The following ZBBX variants were observed in gnomAD, a reference collection of about 807,000 sequenced individuals.
The protein encoded by ZBBX is zinc finger B-box domain-containing protein 1.
ZBBX carries 101 observed loss-of-function variants against 108.5 expected under a neutral mutation model. The observed-to-expected ratio is 0.93, with a 90% CI of 0.79 to 1.10. ZBBX has a LOEUF of 1.10. Among genes scored for constraint, ZBBX ranks in the 50% least tolerant of loss-of-function variants. ZBBX has a pLI of 0.00. For missense variants in ZBBX, 1,009 were observed against 941.4 expected, an observed-to-expected ratio of 1.07 and a Z score of -0.94; for synonymous variants, 356 against 323.4, an observed-to-expected ratio of 1.10 and a Z score of -1.08.
chr3:167,228,911 C>T, the ZBBX span, among the ~76,000 whole-genome samples: 1 of 151,712 alleles, frequency 6.6e-6, no homozygotes, highest in Admixed American at 6.6e-5. Context: ...GTGGAACTCT[C>T]GCTTGCTCTT....
At chr3:167,342,798 C>CA (rs374133887) in intron 9 of ZBBX, among the ~76,000 whole-genome samples, 3,842 of 121,662 alleles carry the variant, frequency 0.032, 124 homozygotes, top group African/African-American at 0.086. Flanking sequence ...GTTATTACCA[C>CA]AAAAAAAAAA....
intron 20 of ZBBX, among the ~76,000 whole-genome samples, chr3:167,243,748 CTT>C (rs148483655): frequency 0.025 from 1,756 of 70,890 alleles, 31 homozygotes; most frequent in African/African-American, 0.075. Flanking sequence ...GTGGACTTGA[CTT>C]TTTTTTTTTT....
intron 13 of ZBBX, among the ~76,000 whole-genome samples, 168 bp from the exon 14 acceptor site, chr3:167,317,273 T>C (rs966004633): frequency 7.9e-5 from 12 of 152,076 alleles, no homozygotes; most frequent in African/African-American, 2.2e-4. Flanking sequence ...TTATTAGCAT[T>C]CAATTTTTAA....
chr3:167,195,682 T>C, the ZBBX span, among the ~76,000 whole-genome samples: 1 of 152,196 alleles, frequency 6.6e-6, no homozygotes, highest in Non-Finnish European at 1.5e-5. Context: ...TATAAAATCA[T>C]TGTATATGCT....
chr3:167,276,850 T>C (rs1727683257), intron 20 of ZBBX, among the ~76,000 whole-genome samples: 1 of 151,802 alleles, frequency 6.6e-6, no homozygotes, highest in South Asian at 2.1e-4. Flanking sequence ...GAGAGAAAGG[T>C]CGGGTTACCC....
At chr3:167,365,788 G>A (rs980852315) in intron 6 of ZBBX, 98 bp downstream of exon 6, 46 of 621,750 alleles carry the variant, frequency 7.4e-5, no homozygotes, top group Non-Finnish European at 1.0e-4. Context: ...GTTAAAATAA[G>A]AAGAGTATAT....
Position 167,298,304 on chromosome 3 carries a change from C to T in ZBBX, c.1879+1G>A, listed in dbSNP as rs764098851. The T allele has an allele frequency of 1.9e-6, 3 of 1,583,952 alleles. No individual in the cohort carries two copies. In the South Asian group the frequency reaches 3.6e-5, roughly 19 times the overall value. On this transcript the variant is annotated splice_donor_variant, in intron 18 of 21. Transcript: ENST00000675490. LOFTEE classifies it high-confidence loss of function. The stretch of plus-strand genomic sequence containing the variant: ...TTTAGAAAAATGAGCTAGAAATTTA[C>T]CTGCAAGTGTAATCCTAGTACTGGA...
chr3:167,190,403 C>T, the ZBBX span, among the ~76,000 whole-genome samples: 1 of 122,524 alleles, frequency 8.2e-6, no homozygotes, highest in Non-Finnish European at 1.6e-5. Context: ...TTTTTTGAGA[C>T]GGAGTCTCTC....
Position 167,333,979 on chromosome 3 carries a change from A to AT in ZBBX, c.534dup (p.Ser179IlefsTer19). On this transcript the variant is annotated frameshift_variant, in exon 10 of 22. Coordinates refer to ENST00000675490, the MANE Select transcript of ZBBX (RefSeq NM_001199201.2). LOFTEE classifies it high-confidence loss of function. ...TCCAATACATTGAATAATATTTGAG[A>AT]TTTTGCCTATTAAAAAAGTAACAAT... 1.9e-6 allele frequency: 3 copies of AT among 1,545,746 alleles called. No homozygotes were observed. The highest frequency in any genetic ancestry group is 2.6e-6 in the Non-Finnish European group (3 of 1,149,514).
chr3:167,223,199 C>T, the ZBBX span, among the ~76,000 whole-genome samples: 1 of 151,838 alleles, frequency 6.6e-6, no homozygotes, highest in East Asian at 2.0e-4. Context: ...AGGCCTTCCC[C>T]TCAGAGTCCT....
intron 1 of ZBBX, among the ~76,000 whole-genome samples, chr3:167,395,701 C>A (rs1316600831): frequency 1.3e-5 from 2 of 151,920 alleles, no homozygotes; most frequent in Non-Finnish European, 2.9e-5. Flanking sequence ...TCAAAAGTAC[C>A]ACCAAAAACT....
At chr3:167,249,136 C>T (rs1722123882) in intron 20 of ZBBX, among the ~76,000 whole-genome samples, 2 of 152,192 alleles carry the variant, frequency 1.3e-5, no homozygotes, top group Admixed American at 1.3e-4. Flanking sequence ...TGCCTCTTAG[C>T]CCTCTGCAAA....
chr3:167,302,502 A>G (rs1732883845), intron 17 of ZBBX, among the ~76,000 whole-genome samples: 1 of 151,620 alleles, frequency 6.6e-6, no homozygotes, highest in Non-Finnish European at 1.5e-5. Context: ...CCCCCACCCC[A>G]TGTTTTAAGC....
intron 20 of ZBBX, among the ~76,000 whole-genome samples, chr3:167,269,790 G>T (rs1194110089): frequency 6.6e-6 from 1 of 152,124 alleles, no homozygotes; most frequent in African/African-American, 2.4e-5. Context: ...TCACCCTGTT[G>T]TCCCTAACCC....
intron 13 of ZBBX, 41 bp downstream of exon 13, chr3:167,317,447 G>T: frequency 6.8e-7 from 1 of 1,462,404 alleles, no homozygotes; most frequent in Non-Finnish European, 9.4e-7. Flanking sequence ...TATAACTTGA[G>T]ACAATACATT....
chr3:167,265,801 T>A (rs1576816300), intron 20 of ZBBX, among the ~76,000 whole-genome samples: 1 of 152,176 alleles, frequency 6.6e-6, no homozygotes, highest in Admixed American at 6.5e-5. Context: ...ATGTGGCTGG[T>A]CCAAATGCTT....
chr3:167,210,767 G>A, the ZBBX span, among the ~76,000 whole-genome samples: 1 of 151,938 alleles, frequency 6.6e-6, no homozygotes, highest in African/African-American at 2.4e-5. Flanking sequence ...AGTGCTGAAG[G>A]AAATAAAAAC....
At chr3:167,263,970 A>G (rs1425200057) in intron 20 of ZBBX, among the ~76,000 whole-genome samples, 1 of 152,116 alleles carries the variant, frequency 6.6e-6, no homozygotes, top group African/African-American at 2.4e-5. Flanking sequence ...TTATATAATG[A>G]CCTTCTTCTT....
intron 20 of ZBBX, among the ~76,000 whole-genome samples, chr3:167,272,757 G>T (rs1323288695): frequency 6.6e-6 from 1 of 152,184 alleles, no homozygotes; most frequent in African/African-American, 2.4e-5. Context: ...CCTTTAAAGT[G>T]AAAGGCGCCC....
Sources: gnomAD v4.1 joint callset for allele counts (sites outside exome capture counted in the v4.1 genomes callset) on GRCh38, gnomAD v4.1.1 for gene constraint, MANE v1.5 for transcripts, NCBI Gene and HGNC (gene_info 2026-07-23, HGNC 2026-07-21) for gene names.